Variants in PCDHGB1 observed in about 807,000 individuals in gnomAD.
PCDHGB1 encodes protocadherin gamma subfamily B, 1, also known as protocadherin gamma-B1.
In PCDHGB1, 34 loss-of-function variants were observed where a neutral mutation model predicts 56.6. The ratio of observed to expected loss-of-function variants is 0.60; its 90% CI spans 0.46 to 0.80. PCDHGB1 has a LOEUF of 0.80. Ranked by LOEUF, PCDHGB1 falls within the 30% of genes least tolerant of loss-of-function variation. The pLI is 0.00. For missense variants in PCDHGB1, 1,278 were observed against 1,204.6 expected (o/e 1.06, Z -0.90); for synonymous variants, 561 against 505.9 (o/e 1.11, Z -1.46).
intron 1 of PCDHGB1, chr5:141,405,402 C>T: frequency 6.3e-7 from 1 of 1,589,724 alleles, no homozygotes; most frequent in Non-Finnish European, 8.6e-7. Flanking sequence ...TTCTTTCTTT[C>T]TTTTCTTTTT....
rs367905789 is a variant in PCDHGB1 at position 141,487,335 on chromosome 5, G to A, written c.2410-7472G>A. 11 of 1,614,064 alleles carry A rather than the reference G, an allele frequency of 6.8e-6. No individual in the cohort carries two copies. The highest frequency in any genetic ancestry group is 8.5e-6 in the Non-Finnish European group (10 of 1,180,044). Reference sequence around the variant, plus strand: ...TCTAAGTGTCTTCGTGGGGCAGCCTGTGGAGTCACATGCTTTCCTGCTGGC... The same window carrying A: ...TCTAAGTGTCTTCGTGGGGCAGCCTATGGAGTCACATGCTTTCCTGCTGGC... On this transcript the variant is annotated intron_variant, in intron 1 of 3. Transcript: ENST00000523390. This position sits in a 1 kb window ranked among gnomAD's most constrained non-coding sequence, Gnocchi z 5.0.
intron 1 of PCDHGB1, chr5:141,395,325 G>T (rs1261775810): frequency 6.8e-7 from 1 of 1,473,892 alleles, no homozygotes; most frequent in Admixed American, 2.5e-5. Context: ...GAAGATAGTT[G>T]AAAATAATTT....
At chr5:141,356,099 A>T in intron 1 of PCDHGB1, 1 of 1,613,882 alleles carries the variant, frequency 6.2e-7, no homozygotes, top group Non-Finnish European at 8.5e-7. Context: ...CTGAGTGGGG[A>T]TATAACAATA....
At chr5:141,457,280 A>T (rs964027392) in intron 1 of PCDHGB1, among the ~76,000 whole-genome samples, 1 of 152,196 alleles carries the variant, frequency 6.6e-6, no homozygotes, top group Non-Finnish European at 1.5e-5. Flanking sequence ...TGGGCCTACG[A>T]AGTTCCTTGG....
chr5:141,352,839 T>A (rs932260905), intron 1 of PCDHGB1, 170 bp downstream of exon 1: 4 of 717,548 alleles, frequency 5.6e-6, no homozygotes, highest in Non-Finnish European at 9.0e-6. Context: ...ATTACAAAAA[T>A]TAGTTGGGTG....
At chr5:141,443,442 C>T (rs571341362) in intron 1 of PCDHGB1, among the ~76,000 whole-genome samples, 9 of 152,202 alleles carry the variant, frequency 5.9e-5, no homozygotes, top group East Asian at 1.9e-4. Context: ...GCTGTGGTTG[C>T]GCTCCTGTAC....
Position 141,410,082 on chromosome 5 carries a change from G to A in PCDHGB1, c.2409+57413G>A, listed in dbSNP as rs780485949. 1.6e-5 allele frequency: 25 copies of A among 1,612,386 alleles called. No individual in the cohort carries two copies. The Admixed American group carries it at 3.8e-4, about 25-fold the overall frequency. On this transcript the variant is annotated intron_variant, in intron 1 of 3. Transcript: ENST00000523390. ...CTGGGGCTGCGCACTGGGGAGGTGC[G>A]CACGGCTCGAGCCTTAGGCGACAGG... is the stretch of plus-strand genomic sequence containing the variant.
intron 1 of PCDHGB1, chr5:141,392,912 C>T: frequency 6.2e-7 from 1 of 1,613,908 alleles, no homozygotes; most frequent in South Asian, 1.1e-5. Context: ...AGATTCGCTA[C>T]TCTGTGCCAG....
intron 1 of PCDHGB1, chr5:141,355,014 T>TTTAATCAG: frequency 1.2e-6 from 1 of 854,480 alleles, no homozygotes; most frequent in South Asian, 2.9e-5. Flanking sequence ...AAACCAGAAA[T>TTTAATCAG]TTAATCAGAA....
chr5:141,395,437 G>A lies in PCDHGB1; in HGVS notation c.2409+42768G>A, dbSNP rs973609255. On this transcript the variant is annotated intron_variant, in intron 1 of 3. Coordinates refer to ENST00000523390, the MANE Select transcript of PCDHGB1 (RefSeq NM_018922.3). ...TGTTTCATTTGCTTTTAAACGACTT[G>A]GAAAAGATTGTTCAACCATTTTAAG... 5.2e-5 allele frequency: 35 copies of A among 668,254 alleles called. No homozygotes were observed. The African/African-American group carries it at 6.1e-4, about 12-fold the overall frequency. 41.4% of individuals were successfully genotyped at this position (668,254 alleles called of 1,614,324 possible).
chr5:141,477,506 G>T lies in PCDHGB1; in HGVS notation c.2410-17301G>T, dbSNP rs766083208. 6.2e-7 allele frequency: 1 copy of T among 1,614,028 alleles called. No homozygotes were observed. The highest frequency in any genetic ancestry group is 8.5e-7 in the Non-Finnish European group (1 of 1,180,016). On this transcript the variant is annotated intron_variant, in intron 1 of 3. Coordinates refer to ENST00000523390, the MANE Select transcript of PCDHGB1 (RefSeq NM_018922.3). This position sits in a 1 kb window ranked among gnomAD's most constrained non-coding sequence, Gnocchi z 4.9. ...ACAATCTTCTCAATCTTCCTACGAC[G>T]TTTACATTGAAGAAAACAACCTCCC...
chr5:141,365,818 T>A (rs1440466121), intron 1 of PCDHGB1: 1 of 1,613,894 alleles, frequency 6.2e-7, no homozygotes. Context: ...AAGACACATT[T>A]CAGGGGGCGC....
chr5:141,375,475 C>T (rs774489564), intron 1 of PCDHGB1: 2 of 1,614,002 alleles, frequency 1.2e-6, no homozygotes, highest in East Asian at 2.2e-5. Context: ...TCCTTGAAAA[C>T]AACCCCAGGG....
chr5:141,476,783 G>C lies in PCDHGB1; in HGVS notation c.2410-18024G>C. ...GACGGCGTTGGACGGAGGGACCCCAGCTCTCTCCGCCAGCCTGCCTATTCA... is the reference window on the plus strand; with the variant it reads ...GACGGCGTTGGACGGAGGGACCCCACCTCTCTCCGCCAGCCTGCCTATTCA... On this transcript the variant is annotated intron_variant, in intron 1 of 3. Coordinates refer to ENST00000523390, the MANE Select transcript of PCDHGB1 (RefSeq NM_018922.3). This position sits in a 1 kb window ranked among gnomAD's most constrained non-coding sequence, Gnocchi z 7.6. The C allele has an allele frequency of 6.2e-7, 1 of 1,613,510 alleles. No homozygotes were observed. The highest frequency in any genetic ancestry group is 8.5e-7 in the Non-Finnish European group (1 of 1,180,030).
intron 1 of PCDHGB1, chr5:141,383,758 A>G: frequency 6.2e-7 from 1 of 1,613,970 alleles, no homozygotes. Flanking sequence ...AATAACTCCT[A>G]AACTTCCAAA....
At chr5:141,446,718 C>T (rs1279970040) in intron 1 of PCDHGB1, among the ~76,000 whole-genome samples, 4 of 152,174 alleles carry the variant, frequency 2.6e-5, no homozygotes, top group South Asian at 2.1e-4. Flanking sequence ...CTGCCCGCCT[C>T]GGCCTCCCAA....
In PCDHGB1 at chr5:141,410,620, G is replaced by C. The variant is rs765125633; in HGVS notation, c.2409+57951G>C. ...CTTCACATCCTGAGACTCTGACTTC[G>C]GTGAGTTTCTCTTTTTTGTGTGTGA... On this transcript the variant is annotated intron_variant, in intron 1 of 3. Coordinates refer to ENST00000523390, the MANE Select transcript of PCDHGB1 (RefSeq NM_018922.3). The C allele has an allele frequency of 3.4e-5, 55 of 1,603,406 alleles. 1 individual carries two copies. The highest frequency in any genetic ancestry group is 2.8e-4 in the Admixed American group (17 of 59,744).
At chr5:141,409,052 A>C in intron 1 of PCDHGB1, 2 of 1,614,050 alleles carry the variant, frequency 1.2e-6, no homozygotes, top group African/African-American at 1.3e-5. Context: ...CTTCCGAAGC[A>C]CTGCCCAGAG....
intron 1 of PCDHGB1, among the ~76,000 whole-genome samples, chr5:141,369,122 T>C (rs1766045573): frequency 6.6e-6 from 1 of 152,188 alleles, no homozygotes; most frequent in Non-Finnish European, 1.5e-5. Context: ...GTAAGACACC[T>C]GTCAGAAACA....
Sources: gnomAD v4.1 joint callset for allele counts (sites outside exome capture counted in the v4.1 genomes callset) on GRCh38, gnomAD v4.1.1 for gene constraint, Gnocchi (gnomAD v3.1) non-coding constraint, MANE v1.5 for transcripts, NCBI Gene and HGNC (gene_info 2026-07-23, HGNC 2026-07-21) for gene names.